ZPLD1: variants seen among roughly 807,000 people sequenced by gnomAD.
ZPLD1 encodes zona pellucida-like domain-containing protein 1.
Under a neutral mutation model 47.2 loss-of-function variants are expected in ZPLD1, and 34 were observed. The observed-to-expected ratio is 0.72, with a 90% CI of 0.55 to 0.96. The LOEUF (loss-of-function observed/expected upper bound fraction) is 0.96, where lower values mean the gene tolerates loss of function less well. ZPLD1 is among the 40% of genes least tolerant of loss of function. The pLI, the probability that ZPLD1 is intolerant of heterozygous loss-of-function variation, is 0.00. For synonymous variants in ZPLD1, 176 were observed against 186.2 expected (o/e 0.95, Z 0.45); for missense variants, 512 against 505.8 (o/e 1.01, Z -0.12).
intron 7 of ZPLD1, among the ~76,000 whole-genome samples, chr3:102,462,897 T>C (rs997523071): frequency 6.6e-6 from 1 of 152,158 alleles, no homozygotes; most frequent in African/African-American, 2.4e-5. Context: ...GCTCAAAAGC[T>C]GAAGCTCTAA....
At chr3:102,440,069 T>C (rs1276132433) in intron 3 of ZPLD1, among the ~76,000 whole-genome samples, 1 of 152,194 alleles carries the variant, frequency 6.6e-6, no homozygotes, top group Non-Finnish European at 1.5e-5. Flanking sequence ...TGTAAACCAA[T>C]GAGAGCTAGA....
At chr3:102,422,812 C>CA (rs1706896375) in intron 8 of ZPLD1, among the ~76,000 whole-genome samples, 1 of 146,346 alleles carries the variant, frequency 6.8e-6, no homozygotes, top group Non-Finnish European at 1.6e-5. Context: ...CAGATAGGAA[C>CA]TTTTTGTTGT....
intron 8 of ZPLD1, among the ~76,000 whole-genome samples, chr3:102,420,669 G>A (rs1381516709): frequency 1.3e-5 from 2 of 151,520 alleles, no homozygotes; most frequent in Non-Finnish European, 3.0e-5. Context: ...ACAAAAATAG[G>A]TGATTGGCAG....
At chr3:102,436,187 G>T (rs971489758) in intron 1 of ZPLD1, among the ~76,000 whole-genome samples, 1 of 152,174 alleles carries the variant, frequency 6.6e-6, no homozygotes, top group Non-Finnish European at 1.5e-5. Context: ...AAAGCTTTAA[G>T]GCTAAGAGTT....
intron 7 of ZPLD1, among the ~76,000 whole-genome samples, chr3:102,393,050 T>C (rs1335322862): frequency 2.0e-5 from 3 of 152,178 alleles, no homozygotes; most frequent in African/African-American, 7.2e-5. Context: ...TAATTTCTTA[T>C]CTAAGGCCTA....
intron 6 of ZPLD1, among the ~76,000 whole-genome samples, chr3:102,461,278 G>C (rs527801091): frequency 4.4e-4 from 67 of 151,972 alleles, no homozygotes; most frequent in African/African-American, 1.5e-3. Flanking sequence ...GAAACAATTG[G>C]CCTCTGTTAA....
intron 10 of ZPLD1, among the ~76,000 whole-genome samples, chr3:102,470,725 T>TACAC (rs149917091): frequency 0.026 from 3,894 of 148,852 alleles, 79 homozygotes; most frequent in African/African-American, 0.038. Flanking sequence ...CACACACACA[T>TACAC]ACACACACAC....
chr3:102,462,187 C>A, intron 6 of ZPLD1, 94 bp from the exon 7 acceptor site: 1 of 728,504 alleles, frequency 1.4e-6, no homozygotes. Flanking sequence ...TGTTGATTTA[C>A]TTTCTTTTTT....
chr3:102,417,986 T>C (rs1247425919), intron 7 of ZPLD1: 1 of 152,364 alleles, frequency 6.6e-6, no homozygotes, highest in East Asian at 1.9e-4. Context: ...TGATTAGTTT[T>C]GTAAAACCTT....
intron 7 of ZPLD1, among the ~76,000 whole-genome samples, chr3:102,403,262 A>G (rs1706644836): frequency 6.6e-6 from 1 of 152,008 alleles, no homozygotes; most frequent in Non-Finnish European, 1.5e-5. Context: ...TTCTCCATCC[A>G]TCTACTCCCT....
At chr3:102,396,016 A>G (rs915363272) in intron 7 of ZPLD1, among the ~76,000 whole-genome samples, 5 of 152,138 alleles carry the variant, frequency 3.3e-5, no homozygotes, top group Admixed American at 6.6e-5. Flanking sequence ...TTGTCATTTC[A>G]AGATGTTTTG....
chr3:102,455,629 G>T (rs1443652313), intron 4 of ZPLD1, among the ~76,000 whole-genome samples: 1 of 152,198 alleles, frequency 6.6e-6, no homozygotes, highest in Non-Finnish European at 1.5e-5. Context: ...GATGGTCCCT[G>T]CCCACAAAGG....
intron 6 of ZPLD1, among the ~76,000 whole-genome samples, chr3:102,391,596 G>A (rs891314357): frequency 6.6e-6 from 1 of 152,020 alleles, no homozygotes; most frequent in Non-Finnish European, 1.5e-5. Context: ...AGGAGCCACT[G>A]GGAAGGATCC....
chr3:102,422,850 TG>T lies in ZPLD1; in HGVS notation c.-9+4645del, dbSNP rs1706896995. 2.0e-5 allele frequency among the ~76,000 whole-genome samples: 3 copies of T among 152,186 alleles called. No homozygotes were observed. The South Asian group carries it at 6.2e-4, about 32-fold the overall frequency. On this transcript the variant is annotated intron_variant, in intron 8 of 17. Transcript: ENST00000491959. ...TTGTTGTTTTGCCGTGTCATGGAAT[TG>T]GAGCTTTCTCCTGAGTGGTGTTGAC...
intron 7 of ZPLD1, among the ~76,000 whole-genome samples, chr3:102,403,869 T>C (rs549994746): frequency 1.3e-5 from 2 of 149,740 alleles, no homozygotes; most frequent in Non-Finnish European, 3.0e-5. Context: ...CAGTTGATGA[T>C]ACAGATCACT....
At chr3:102,427,590 A>G (rs1315539142) in intron 8 of ZPLD1, among the ~76,000 whole-genome samples, 3 of 152,242 alleles carry the variant, frequency 2.0e-5, no homozygotes, top group African/African-American at 7.2e-5. Flanking sequence ...TTGTTAAAAC[A>G]TCACAGTTTC....
intron 3 of ZPLD1, among the ~76,000 whole-genome samples, chr3:102,440,576 A>G (rs965065279): frequency 6.6e-6 from 1 of 152,146 alleles, no homozygotes; most frequent in Non-Finnish European, 1.5e-5. Flanking sequence ...TTTATTCAGT[A>G]GTAGGAAATA....
chr3:102,407,791 A>C (rs1342991603), intron 7 of ZPLD1, among the ~76,000 whole-genome samples: 2 of 151,690 alleles, frequency 1.3e-5, no homozygotes, highest in South Asian at 2.1e-4. Flanking sequence ...GAATGCCAAC[A>C]TAAGGGTTCT....
chr3:102,452,889 A>C (rs202164690), intron 3 of ZPLD1, 30 bp from the exon 4 acceptor site: 1 of 1,604,354 alleles, frequency 6.2e-7, no homozygotes, highest in East Asian at 2.2e-5. Flanking sequence ...TTTCTGACTT[A>C]TGTTTGTTTT....
Sources: gnomAD v4.1 joint callset for allele counts (sites outside exome capture counted in the v4.1 genomes callset) on GRCh38, gnomAD v4.1.1 for gene constraint, MANE v1.5 for transcripts, NCBI Gene and HGNC (gene_info 2026-07-23, HGNC 2026-07-21) for gene names.